The following PROS1 variants were observed in gnomAD, a reference collection of about 807,000 sequenced individuals.
The protein encoded by PROS1 is vitamin K-dependent protein S.
A neutral mutation model predicts 75.9 loss-of-function variants in PROS1; 29 were observed. That is an observed-to-expected ratio of 0.38 (90% CI 0.28 to 0.52). The LOEUF (loss-of-function observed/expected upper bound fraction) is 0.52. Among genes scored for constraint, PROS1 ranks in the 20% least tolerant of loss-of-function variants. The pLI, the probability that PROS1 is intolerant of heterozygous loss-of-function variation, is 0.83. For synonymous variants in PROS1, 245 were observed against 280.6 expected (o/e 0.87, Z 1.27); for missense variants, 680 against 810.3 (o/e 0.84, Z 1.95).
chr3:93,875,301 T>C (rs1708165474), intron 14 of PROS1, among the ~76,000 whole-genome samples: 1 of 152,138 alleles, frequency 6.6e-6, no homozygotes, highest in South Asian at 2.1e-4. Flanking sequence ...CATGGAATTT[T>C]ACATGCCTAC....
intron 1 of PROS1, among the ~76,000 whole-genome samples, chr3:93,950,958 G>C (rs1457535126): frequency 6.6e-5 from 10 of 152,104 alleles, no homozygotes; most frequent in Admixed American, 6.5e-5. Context: ...TAGATGAATG[G>C]CTAACAGGAA....
intron 12 of PROS1, among the ~76,000 whole-genome samples, chr3:93,883,921 G>A (rs1708309683): frequency 6.6e-6 from 1 of 152,166 alleles, no homozygotes; most frequent in Admixed American, 6.5e-5. Flanking sequence ...CTGCACCCCA[G>A]CCTGGGTGAC....
At chr3:93,920,088 A>G (rs1193810283) in intron 3 of PROS1, among the ~76,000 whole-genome samples, 1 of 152,092 alleles carries the variant, frequency 6.6e-6, no homozygotes. Context: ...TTTAAACAAG[A>G]TTGCTCTGAA....
chr3:93,911,368 A>ATAT (rs1708757777), intron 3 of PROS1, among the ~76,000 whole-genome samples: 1 of 152,178 alleles, frequency 6.6e-6, no homozygotes, highest in African/African-American at 2.4e-5. Context: ...TGCCAAAAAT[A>ATAT]TATTTCTTAA....
At chr3:93,961,020 A>G (rs1211866464) in intron 1 of PROS1, among the ~76,000 whole-genome samples, 2 of 152,172 alleles carry the variant, frequency 1.3e-5, no homozygotes, top group Non-Finnish European at 2.9e-5. Flanking sequence ...TTATCCTTTA[A>G]ATGGAAAAAT....
chr3:93,937,514 C>T (rs1709203612), intron 1 of PROS1, among the ~76,000 whole-genome samples: 1 of 151,956 alleles, frequency 6.6e-6, no homozygotes, highest in South Asian at 2.1e-4. Flanking sequence ...ACTACAGGTA[C>T]CCGCCACCTC....
At chr3:93,895,658 A>C (rs1301467170) in intron 9 of PROS1, among the ~76,000 whole-genome samples, 1 of 152,150 alleles carries the variant, frequency 6.6e-6, no homozygotes, top group Non-Finnish European at 1.5e-5. Flanking sequence ...AAAAAAATCC[A>C]ATTTCTTTCT....
In PROS1 at chr3:93,874,340, C is replaced by T. The variant is rs776022988; in HGVS notation, c.1936G>A (p.Gly646Ser). The change falls in exon 15 of 15, where the codon GGT becomes AGT. Residue 646 changes from glycine to serine, a missense_variant. Transcript: ENST00000394236. ...GCTTCATCCAGATCCAACTGTACAC[C>T]ATTAATATTCACTTCCATGCAGCCA... is the stretch of plus-strand genomic sequence containing the variant. ...YNGCMEVNINGVQLDLDEAIS... is the reference protein window; with the variant it reads ...YNGCMEVNINSVQLDLDEAIS... The T allele has an allele frequency of 6.2e-6, 10 of 1,613,292 alleles. No homozygotes were observed. In the South Asian group the frequency reaches 1.1e-4, roughly 18 times the overall value.
chr3:93,970,608 G>T (rs1381180584), intron 1 of PROS1, among the ~76,000 whole-genome samples: 5 of 152,036 alleles, frequency 3.3e-5, no homozygotes, highest in Middle Eastern at 3.2e-3. Flanking sequence ...CTCCCAAAGT[G>T]CTGGGATTAC....
chr3:93,900,994 C>T, intron 6 of PROS1, 65 bp from the exon 7 acceptor site: 5 of 1,556,426 alleles, frequency 3.2e-6, no homozygotes, highest in Non-Finnish European at 4.4e-6. Flanking sequence ...CCAAAGAACC[C>T]TTGATTTGTG....
intron 2 of PROS1, among the ~76,000 whole-genome samples, chr3:93,926,345 C>G (rs1709016199): frequency 6.6e-6 from 1 of 152,214 alleles, no homozygotes; most frequent in Middle Eastern, 3.4e-3. Context: ...TGTAAAGTAA[C>G]AGTGGGCCGG....
intron 1 of PROS1, among the ~76,000 whole-genome samples, chr3:93,931,962 T>A (rs1238690211): frequency 1.3e-5 from 2 of 152,198 alleles, no homozygotes; most frequent in African/African-American, 4.8e-5. Context: ...CCCATCCATC[T>A]AAGAGAATGG....
At chr3:93,887,982 T>C (rs1708375197) in intron 10 of PROS1, among the ~76,000 whole-genome samples, 1 of 152,240 alleles carries the variant, frequency 6.6e-6, no homozygotes, top group Non-Finnish European at 1.5e-5. Context: ...TAATAAGTAA[T>C]GCAGAACTAA....
rs758070649 is a variant in PROS1 at position 93,956,533 on chromosome 3, TACACAC to T, written c.76+17135_76+17140del. 3.5e-5 allele frequency among the ~76,000 whole-genome samples: 4 copies of T among 113,336 alleles called. No individual in the cohort carries two copies. In the South Asian group the frequency reaches 1.2e-3, roughly 35 times the overall value. The allele number at this position is 113,336 out of a possible 152,430, so 74.4% of individuals were successfully genotyped here. ...CTCTGTCTCTCTCTCTCTCTCTCTCTACACACACACACACACACACACACACACAAA... is the reference window on the plus strand; with the variant it reads ...CTCTGTCTCTCTCTCTCTCTCTCTCTACACACACACACACACACACACAAA... On this transcript the variant is annotated intron_variant, in intron 1 of 14. Transcript: ENST00000394236.
At chr3:93,885,522 GGCCTTGTTTTTCTTTAGTGGCATTTA>G (rs1708333692) in intron 11 of PROS1, among the ~76,000 whole-genome samples, 1 of 152,130 alleles carries the variant, frequency 6.6e-6, no homozygotes, top group South Asian at 2.1e-4. Context: ...CACCACGCCT[GGCCTTGTTTTTCTTTAGTGGCATTTA>G]TAATATGGGT....
At chr3:93,936,620 G>A (rs1396634207) in intron 1 of PROS1, among the ~76,000 whole-genome samples, 1 of 152,078 alleles carries the variant, frequency 6.6e-6, no homozygotes, top group Non-Finnish European at 1.5e-5. Flanking sequence ...CAGAAACTGA[G>A]TTAACTGAAC....
intron 1 of PROS1, among the ~76,000 whole-genome samples, chr3:93,947,458 G>A (rs1180840543): frequency 6.6e-6 from 1 of 152,068 alleles, no homozygotes; most frequent in African/African-American, 2.4e-5. Context: ...ACATCATGAG[G>A]GAAGGTTCCC....
intron 1 of PROS1, among the ~76,000 whole-genome samples, chr3:93,968,318 C>T (rs945896684): frequency 6.6e-6 from 1 of 152,040 alleles, no homozygotes; most frequent in Non-Finnish European, 1.5e-5. Context: ...AGAGGGAAAA[C>T]GATGTGAAGA....
intron 1 of PROS1, among the ~76,000 whole-genome samples, chr3:93,935,814 C>T (rs1709173819): frequency 6.6e-6 from 1 of 151,612 alleles, no homozygotes; most frequent in African/African-American, 2.4e-5. Context: ...CTTTAAGACA[C>T]AGTCTAAATA....
Sources: allele counts gnomAD v4.1 joint callset (sites outside exome capture counted in the v4.1 genomes callset), GRCh38; gene constraint gnomAD v4.1.1; transcripts MANE v1.5; gene names NCBI Gene and HGNC (gene_info 2026-07-23, HGNC 2026-07-21).